DPP9: variants seen among roughly 807,000 people sequenced by gnomAD.
DPP9 encodes dipeptidyl peptidase 9, also known as dipeptidyl peptidase IV-related protein-2.
Under a neutral mutation model 110.7 loss-of-function variants are expected in DPP9, and 50 were observed. The observed-to-expected ratio is 0.45, with a 90% CI of 0.36 to 0.57. The LOEUF (loss-of-function observed/expected upper bound fraction) is 0.57. Ranked by LOEUF, DPP9 falls within the 20% of genes least tolerant of loss-of-function variation. DPP9 has a pLI of 0.00. For missense variants in DPP9, 1,022 were observed against 1,217.9 expected, an observed-to-expected ratio of 0.84 and a Z score of 2.39; for synonymous variants, 561 against 514.4, an observed-to-expected ratio of 1.09 and a Z score of -1.23.
intron 4 of DPP9, among the ~76,000 whole-genome samples, chr19:4,712,562 AT>A (rs2092884974): frequency 6.6e-6 from 1 of 152,016 alleles, no homozygotes; most frequent in Non-Finnish European, 1.5e-5. Flanking sequence ...AAAAAAAAAA[AT>A]GAAAAATAAA....
rs774056853 is a variant in DPP9 at position 4,697,585 on chromosome 19, T to A, written c.1141A>T (p.Ile381Phe). 6.2e-7 allele frequency: 1 copy of A among 1,613,786 alleles called. No homozygotes were observed. Among genetic ancestry groups the A allele is most frequent in the African/African-American group, 1.3e-5 (1 of 74,934 alleles). ...FSSLFPKVEY[I>F]ARAGWTRDGK... is the part of the protein sequence containing the mutation. ...TCCCGGGTCCACCCGGCCCTGGCGA[T>A]GTACTCCACCTTCGGGAACAGCGAG... The change falls in exon 11 of 22, where the codon ATC (isoleucine) becomes TTC (phenylalanine). Residue 381 changes from isoleucine to phenylalanine, a missense_variant. By Grantham distance (21) the Ile-to-Phe change is conservative. Transcript: ENST00000262960.
rs2092459595 is a variant in DPP9, at chr19:4,704,286, C to A, written c.445G>T (p.Val149Phe). 1 of 1,613,264 alleles carries A rather than the reference C, an allele frequency of 6.2e-7. No individual in the cohort carries two copies. The highest frequency in any genetic ancestry group is 8.5e-7 in the Non-Finnish European group (1 of 1,179,864). Residue 149 changes from valine (V) to phenylalanine (F), a missense_variant, in exon 6 of 22, where the codon GTC becomes TTC. Transcript: ENST00000262960. This position sits in a 1 kb window ranked among gnomAD's most constrained non-coding sequence, Gnocchi z 6.0. Reference protein sequence around the residue: ...DHFQATPHHGVYSREEELLRE... With the variant: ...DHFQATPHHGFYSREEELLRE... ...AGCAGCTCCTCCTCCCGAGAGTAGA[C>A]CCCATGGTGGGGCGTGGCCTGGAAA... is the stretch of plus-strand genomic sequence containing the variant.
intron 11 of DPP9, among the ~76,000 whole-genome samples, chr19:4,696,517 T>C (rs2091814818): frequency 6.6e-6 from 1 of 151,806 alleles, no homozygotes; most frequent in South Asian, 2.1e-4. Context: ...TCCCAGCACT[T>C]TGGGAAGCCG....
At chr19:4,703,741 G>T in intron 7 of DPP9, 145 bp downstream of exon 7, 1 of 795,792 alleles carries the variant, frequency 1.3e-6, no homozygotes, top group Non-Finnish European at 2.0e-6. Flanking sequence ...CCTCCCGGGA[G>T]ACATGGTAGG....
chr19:4,680,757 G>A (rs1028372994), intron 20 of DPP9, among the ~76,000 whole-genome samples: 1 of 151,880 alleles, frequency 6.6e-6, no homozygotes, highest in African/African-American at 2.4e-5. Context: ...AGGAGTTCAA[G>A]ACCAGCCTGG....
chr19:4,704,999 A>G lies in DPP9; in HGVS notation c.427-695T>C, dbSNP rs2092508098. On this transcript the variant is annotated intron_variant, in intron 5 of 21. Transcript: ENST00000262960. This position sits in a 1 kb window ranked among gnomAD's most constrained non-coding sequence, Gnocchi z 6.0. ...AGTGACAGAGTGAGACTTTGTCTCA[A>G]AAAAAAAAGCAGAATCAAAAGCAAA... 6.6e-6 allele frequency among the ~76,000 whole-genome samples: 1 copy of G among 150,824 alleles called. No homozygotes were observed. Among genetic ancestry groups the G allele is most frequent in the South Asian group, 2.1e-4 (1 of 4,794 alleles).
At chr19:4,697,466 G>A (rs889396128) in intron 11 of DPP9, 85 bp downstream of exon 11, 37 of 1,169,034 alleles carry the variant, frequency 3.2e-5, no homozygotes, top group African/African-American at 2.6e-4. Context: ...GGAATGGCAC[G>A]GAAGGCCAGG....
At position 4,695,028 on chromosome 19, in the gene DPP9, G is replaced by A; in HGVS notation, c.1354-205C>T. ...TAGCCAGGCATGGTGGTGCAGGCTT[G>A]TGGTCCTAGCTACTCTGGAGGCTGA... is the stretch of plus-strand genomic sequence containing the variant. On this transcript the variant is annotated intron_variant, in intron 12 of 21. Coordinates refer to ENST00000262960, the MANE Select transcript of DPP9 (RefSeq NM_139159.5). This position sits in a 1 kb window ranked among gnomAD's most constrained non-coding sequence, Gnocchi z 4.7. 1 of 620,386 alleles carries A rather than the reference G, an allele frequency of 1.6e-6. No individual in the cohort carries two copies. The highest frequency in any genetic ancestry group is 2.0e-5 in the South Asian group (1 of 49,990). The allele number at this position is 620,386 out of a possible 1,614,324, so 38.4% of individuals were successfully genotyped here.
rs750833115 is a variant in DPP9 at position 4,704,314 on chromosome 19, T to C, written c.427-10A>G. ...CATGGTGGGGCGTGGCCTGGAAACA[T>C]ACAGGGGACAGGGGGCAGCGTCAGT... On this transcript the variant is annotated splice_polypyrimidine_tract_variant and intron_variant, in intron 5 of 21. Coordinates refer to ENST00000262960, the MANE Select transcript of DPP9 (RefSeq NM_139159.5). This position sits in a 1 kb window ranked among gnomAD's most constrained non-coding sequence, Gnocchi z 6.0. The C allele has an allele frequency of 6.2e-7, 1 of 1,608,468 alleles. No individual in the cohort carries two copies. The highest frequency in any genetic ancestry group is 1.1e-5 in the South Asian group (1 of 91,010).
At chr19:4,701,951 G>T in intron 9 of DPP9, 76 bp downstream of exon 9, 2 of 1,555,856 alleles carry the variant, frequency 1.3e-6, no homozygotes, top group Non-Finnish European at 8.7e-7. Context: ...GGGCCTGGGG[G>T]ACAGTGCACC....
At chr19:4,715,648 A>T (rs2093041289) in intron 3 of DPP9, 1 of 152,110 alleles carries the variant, frequency 6.6e-6, no homozygotes, top group African/African-American at 2.4e-5. Flanking sequence ...GAAGGAATGA[A>T]AATCCATCCT....
chr19:4,709,532 C>T (rs1043638965), intron 4 of DPP9, among the ~76,000 whole-genome samples: 6 of 152,080 alleles, frequency 3.9e-5, no homozygotes, highest in Non-Finnish European at 4.4e-5. Flanking sequence ...CCCGTCCGGC[C>T]GCCCATGGGG....
intron 21 of DPP9, among the ~76,000 whole-genome samples, chr19:4,678,698 C>T (rs187587617): frequency 2.0e-5 from 3 of 152,222 alleles, no homozygotes; most frequent in Non-Finnish European, 2.9e-5. Flanking sequence ...CTGCCTCCCT[C>T]CTGCTCTGCG....
At chr19:4,686,497 T>G (rs1809789106) in intron 16 of DPP9, among the ~76,000 whole-genome samples, 1 of 152,000 alleles carries the variant, frequency 6.6e-6, no homozygotes, top group Non-Finnish European at 1.5e-5. Flanking sequence ...TTTTTGTACT[T>G]TTAGTAGAGA....
intron 13 of DPP9, among the ~76,000 whole-genome samples, chr19:4,691,242 G>T (rs2091288183): frequency 6.6e-6 from 1 of 152,160 alleles, no homozygotes; most frequent in Admixed American, 6.5e-5. Flanking sequence ...GGGAGGCCGA[G>T]GCAGGAGGAT....
chr19:4,710,924 G>A lies in DPP9; in HGVS notation c.313+3157C>T, dbSNP rs2092800946. 6.6e-6 allele frequency among the ~76,000 whole-genome samples: 1 copy of A among 152,178 alleles called. No individual in the cohort carries two copies. The highest frequency in any genetic ancestry group is 1.5e-5 in the Non-Finnish European group (1 of 68,030). Reference sequence around the variant, plus strand: ...GGGCCCTCAGCACCTCCTGTGTACTGTGAGGACCTGCCTGTCCCAGCCCCA... The same window carrying A: ...GGGCCCTCAGCACCTCCTGTGTACTATGAGGACCTGCCTGTCCCAGCCCCA... On this transcript the variant is annotated intron_variant, in intron 4 of 21. Coordinates refer to ENST00000262960, the MANE Select transcript of DPP9 (RefSeq NM_139159.5). This position sits in a 1 kb window ranked among gnomAD's most constrained non-coding sequence, Gnocchi z 5.6.
chr19:4,697,763 GTC>G (rs769749827), intron 10 of DPP9, 112 bp from the exon 11 acceptor site: 8 of 822,734 alleles, frequency 9.7e-6, no homozygotes, highest in Non-Finnish European at 1.5e-5. Context: ...ATATGCTGGA[GTC>G]TCAGCCCCCA....
At position 4,700,184 on chromosome 19, in the gene DPP9, T is replaced by A. The variant is rs2145685299; in HGVS notation, c.1074+32A>T. 6.6e-7 allele frequency: 1 copy of A among 1,521,840 alleles called. No homozygotes were observed. The allele number at this position is 1,521,840 out of a possible 1,614,324, so 94.3% of individuals were successfully genotyped here. On this transcript the variant is annotated intron_variant, in intron 10 of 21. Coordinates refer to ENST00000262960, the MANE Select transcript of DPP9 (RefSeq NM_139159.5). The surrounding 1 kb of genome is among the most constrained non-coding windows in gnomAD (Gnocchi z 4.3). ...CCCGGCCCTTCCCCGCATCATCTAG[T>A]AGATTATCTGGTATGCAGCAGGCCC...
intron 1 of DPP9, chr19:4,722,872 G>C (rs2093382403): frequency 3.3e-6 from 1 of 305,410 alleles, no homozygotes; most frequent in South Asian, 4.5e-5. Flanking sequence ...CTTCCTCCTG[G>C]GGCCCCTGGG....
Sources: gnomAD v4.1 joint callset for allele counts (sites outside exome capture counted in the v4.1 genomes callset) on GRCh38, gnomAD v4.1.1 for gene constraint, Gnocchi (gnomAD v3.1) non-coding constraint, MANE v1.5 for transcripts, NCBI Gene and HGNC (gene_info 2026-07-23, HGNC 2026-07-21) for gene names.